Variants in IFNGR1 observed in about 807,000 individuals in gnomAD.
IFNGR1 encodes AVP, type 2.
Under a neutral mutation model 35.4 loss-of-function variants are expected in IFNGR1, and 23 were observed. That is an observed-to-expected ratio of 0.65 (90% CI 0.47 to 0.92). The LOEUF (loss-of-function observed/expected upper bound fraction) is 0.92. Ranked by LOEUF, IFNGR1 falls within the 40% of genes least tolerant of loss-of-function variation. The pLI is 0.00. For missense variants in IFNGR1, 533 were observed against 583.4 expected, an observed-to-expected ratio of 0.91 and a Z score of 0.89; for synonymous variants, 199 against 209.5, an observed-to-expected ratio of 0.95 and a Z score of 0.43.
chr6:137,198,547 C>T lies in IFNGR1; in HGVS notation c.954G>A (p.Lys318=), dbSNP rs2079623720. ...ITSYQPFSLE[K]EVVCEEPLSP... is the part of the protein sequence containing the mutation. The stretch of plus-strand genomic sequence containing the variant: ...ACAACGGCTCTTCACAGACCACCTC[C>T]TTTTCTAAGGAAAATGGCTGGTATG... The change falls in exon 7 of 7, where the codon AAG becomes AAA. Residue 318 remains lysine (K), a synonymous_variant. Transcript: ENST00000367739. 1 of 1,613,762 alleles carries T rather than the reference C, an allele frequency of 6.2e-7. No individual in the cohort carries two copies. Among genetic ancestry groups the T allele is most frequent in the Admixed American group, 1.7e-5 (1 of 59,952 alleles).
intron 5 of IFNGR1, among the ~76,000 whole-genome samples, chr6:137,202,434 C>T (rs1386792102): frequency 3.3e-5 from 5 of 152,138 alleles, no homozygotes; most frequent in African/African-American, 1.2e-4. Flanking sequence ...CTTTAAATCA[C>T]CTATTTGAAA....
intron 1 of IFNGR1, 46 bp downstream of exon 1, chr6:137,219,197 C>A (rs1241368787): frequency 1.3e-6 from 2 of 1,567,852 alleles, no homozygotes; most frequent in Admixed American, 3.8e-5. Flanking sequence ...ATCCCTCCCT[C>A]CCTCTCGTCC....
Position 137,219,235 on chromosome 6 carries a change from G to T in IFNGR1, c.85+8C>A. On this transcript the variant is annotated splice_region_variant and intron_variant, in intron 1 of 6. Transcript: ENST00000367739. ...ACCCGGCCGCAGCCCTGCCGCGAAC[G>T]ACGGTACCTGAGGACGGCCCCAGAT... 6.2e-7 allele frequency: 1 copy of T among 1,606,920 alleles called. No individual in the cohort carries two copies. The highest frequency in any genetic ancestry group is 8.5e-7 in the Non-Finnish European group (1 of 1,177,404).
intron 1 of IFNGR1, chr6:137,218,574 C>T: frequency 8.1e-7 from 1 of 1,239,706 alleles, no homozygotes; most frequent in Non-Finnish European, 1.1e-6. Flanking sequence ...ACTTTCCTAC[C>T]CTAAGCACTT....
intron 1 of IFNGR1, chr6:137,215,257 G>C: frequency 6.5e-7 from 1 of 1,546,194 alleles, no homozygotes; most frequent in Non-Finnish European, 8.7e-7. Context: ...TAAAATAAGG[G>C]GTAAATTACC....
intron 1 of IFNGR1, chr6:137,218,638 GACC>G: frequency 2.5e-6 from 1 of 401,834 alleles, no homozygotes; most frequent in South Asian, 1.8e-5. Flanking sequence ...CACGAACTGA[GACC>G]ACGATGCCAC....
At chr6:137,199,427 T>A (rs1199594371) in intron 6 of IFNGR1, among the ~76,000 whole-genome samples, 99 of 113,906 alleles carry the variant, frequency 8.7e-4, no homozygotes, top group African/African-American at 3.0e-3. Flanking sequence ...TATAAACATA[T>A]AATTTATAAT....
chr6:137,210,170 A>G (rs1779541540), intron 1 of IFNGR1, among the ~76,000 whole-genome samples: 1 of 152,064 alleles, frequency 6.6e-6, no homozygotes, highest in Non-Finnish European at 1.5e-5. Context: ...TCCGCAAATA[A>G]TTAAAAAATT....
At chr6:137,198,730 C>A in intron 6 of IFNGR1, 91 bp from the exon 7 acceptor site, 1 of 936,962 alleles carries the variant, frequency 1.1e-6, no homozygotes, top group Non-Finnish European at 1.7e-6. Flanking sequence ...AATGGACCAC[C>A]AAATGGCACA....
At position 137,198,815 on chromosome 6, in the gene IFNGR1, T is replaced by C. The variant is rs530934359; in HGVS notation, c.862-176A>G. 7.2e-5 allele frequency among the ~76,000 whole-genome samples: 11 copies of C among 152,182 alleles called. No individual in the cohort carries two copies. The South Asian group carries it at 2.3e-3, about 32-fold the overall frequency. On this transcript the variant is annotated intron_variant, in intron 6 of 6. Transcript: ENST00000367739. The stretch of plus-strand genomic sequence containing the variant: ...TCCCATAGTAATATTAAAAACAAAG[T>C]TTTAGAATTTTTAAAAAGCCATCAG...
rs114146682 is a variant in IFNGR1, at chr6:137,204,952, T to C, written c.374-448A>G. Among the ~76,000 whole-genome samples the C allele has an allele frequency of 9.2e-3, 1,402 of 152,314 alleles. 30 individuals carry two copies. The highest frequency in any genetic ancestry group is 0.032 in the African/African-American group (1,331 of 41,562). On this transcript the variant is annotated intron_variant, in intron 3 of 6. Transcript: ENST00000367739. Reference sequence around the variant, plus strand: ...TTTACTGTGAAAAATCAGAACTTATTCCATAAATATTTATTAGGTCTTTGA... The same window carrying C: ...TTTACTGTGAAAAATCAGAACTTATCCCATAAATATTTATTAGGTCTTTGA...
rs377390736 is a variant in IFNGR1, at chr6:137,215,166, A to C, written c.85+4077T>G. ...CCAATGAGAAAACAAAGGCTTAGAGAAGTTACGTAACTTGACAATATGCAA... is the reference window on the plus strand; with the variant it reads ...CCAATGAGAAAACAAAGGCTTAGAGCAGTTACGTAACTTGACAATATGCAA... On this transcript the variant is annotated intron_variant, in intron 1 of 6. Coordinates refer to ENST00000367739, the MANE Select transcript of IFNGR1 (RefSeq NM_000416.3). 2.1e-6 allele frequency: 3 copies of C among 1,416,526 alleles called. No homozygotes were observed. In the African/African-American group the frequency reaches 4.3e-5, roughly 20 times the overall value. 87.7% of individuals were successfully genotyped at this position (1,416,526 alleles called of 1,614,324 possible). A position where few individuals can be genotyped will look rare whatever the true frequency, so the allele number is the denominator to read the frequency against.
chr6:137,197,829 T>TA lies in IFNGR1; in HGVS notation c.*201dup, dbSNP rs869132002. On this transcript the variant is annotated 3_prime_UTR_variant, in exon 7 of 7. Transcript: ENST00000367739. ...CATAAGTTACAATGCTTTTTTTGTT[T>TA]AAAAAAAAAAAAAAGTCTGTACTTT... 0.031 allele frequency: 14,822 copies of TA among 485,324 alleles called. 1 individual carries two copies. The highest frequency in any genetic ancestry group is 0.046 in the Middle Eastern group (78 of 1,712). 30.1% of individuals were successfully genotyped at this position (485,324 alleles called of 1,614,324 possible). A position where few individuals can be genotyped will look rare whatever the true frequency, so the allele number is the denominator to read the frequency against.
At position 137,204,251 on chromosome 6, in the gene IFNGR1, C is replaced by T. The variant is rs1475752185; in HGVS notation, c.546+81G>A. On this transcript the variant is annotated intron_variant, in intron 4 of 6. Transcript: ENST00000367739. ...TCTTGCTTGAATATTTATAAGCATC[C>T]TATTTTCATTACACTACAGAAAGGA... The T allele has an allele frequency of 5.3e-6, 6 of 1,128,090 alleles. No individual in the cohort carries two copies. The East Asian group carries it at 1.4e-4, about 27-fold the overall frequency. 69.9% of individuals were successfully genotyped at this position (1,128,090 alleles called of 1,614,324 possible).
In IFNGR1 at chr6:137,198,194, C is replaced by T. The variant is rs758315464; in HGVS notation, c.1307G>A (p.Gly436Asp). 3 of 1,613,882 alleles carry T rather than the reference C, an allele frequency of 1.9e-6. No individual in the cohort carries two copies. Among genetic ancestry groups the T allele is most frequent in the African/African-American group, 2.7e-5 (2 of 74,864 alleles). ...SDSEFPPNNKGEIKTEGQELI... is the reference protein window; with the variant it reads ...SDSEFPPNNKDEIKTEGQELI... ...CTCTTGTCCTTCTGTTTTTATTTCA[C>T]CTTTATTATTTGGGGGAAATTCTGA... Residue 436 changes from glycine to aspartate, a missense_variant, in exon 7 of 7, where the codon GGT becomes GAT. Transcript: ENST00000367739.
In IFNGR1 at chr6:137,203,577, C is replaced by T. The variant is rs1311661488; in HGVS notation, c.655G>A (p.Gly219Arg). 1.2e-6 allele frequency: 2 copies of T among 1,613,686 alleles called. No homozygotes were observed. The highest frequency in any genetic ancestry group is 4.5e-5 in the East Asian group (2 of 44,850). The part of the protein sequence containing the change: ...LNSQYCVSAE[G>R]VLHVWGVTTE... ...GTAACACCCCACACATGTAAGACTC[C>T]TTCTGCTGAAACACAGTACTGAGAA... Residue 219 changes from glycine (G) to arginine (R), a missense_variant, in exon 5 of 7, where the codon GGA (glycine) becomes AGA (arginine). Physicochemically the swap from Gly to Arg is moderately radical, Grantham distance 125. Transcript: ENST00000367739.
intron 1 of IFNGR1, among the ~76,000 whole-genome samples, chr6:137,213,208 CAA>C (rs1374802890): frequency 6.6e-6 from 1 of 152,070 alleles, no homozygotes; most frequent in East Asian, 1.9e-4. Context: ...GTAGAAACAG[CAA>C]AAGAGTATTA....
intron 6 of IFNGR1, 124 bp downstream of exon 6, chr6:137,200,757 T>TG: frequency 1.2e-6 from 1 of 820,546 alleles, no homozygotes; most frequent in Non-Finnish European, 1.9e-6. Flanking sequence ...TGTGGTAGAC[T>TG]GACTGATTGA....
rs530136809 is a variant in IFNGR1, at chr6:137,198,697, C to CA, written c.862-59dup. 6.0e-4 allele frequency: 813 copies of CA among 1,345,732 alleles called. 1 individual carries two copies. The highest frequency in any genetic ancestry group is 1.2e-3 in the South Asian group (100 of 83,878). 83.4% of individuals were successfully genotyped at this position (1,345,732 alleles called of 1,614,324 possible). Reference sequence around the variant, plus strand: ...ATTGTTAAGCTTAAGTGCCTACCCTCAAAAAAAACAAAGGTCTGAAGTAAT... The same window carrying CA: ...ATTGTTAAGCTTAAGTGCCTACCCTCAAAAAAAAACAAAGGTCTGAAGTAAT... On this transcript the variant is annotated intron_variant, in intron 6 of 6. Transcript: ENST00000367739.
Sources: allele counts gnomAD v4.1 joint callset (sites outside exome capture counted in the v4.1 genomes callset), GRCh38; gene constraint gnomAD v4.1.1; transcripts MANE v1.5; gene names NCBI Gene and HGNC (gene_info 2026-07-23, HGNC 2026-07-21).